The following TMPRSS15 variants were observed in gnomAD, a reference collection of about 807,000 sequenced individuals.
TMPRSS15 encodes the protein transmembrane serine protease 15, also known as enteropeptidase.
In TMPRSS15, 128 loss-of-function variants were observed where a neutral mutation model predicts 125.3. The observed-to-expected ratio is 1.02, with a 90% CI of 0.89 to 1.18. The LOEUF (loss-of-function observed/expected upper bound fraction) is 1.18. TMPRSS15 is among the 50% of genes most tolerant of loss of function. The pLI is 0.00. For synonymous variants in TMPRSS15, 446 were observed against 423.2 expected (o/e 1.05, Z -0.66); for missense variants, 1,283 against 1,212.7 (o/e 1.06, Z -0.86).
At chr21:18,344,736 G>T (rs1291966629) in intron 10 of TMPRSS15, among the ~76,000 whole-genome samples, 2 of 152,174 alleles carry the variant, frequency 1.3e-5, no homozygotes, top group Admixed American at 6.5e-5. Context: ...AGTTTGTGAA[G>T]GGTTGTTGGG....
chr21:18,308,387 A>G (rs1420803121), intron 18 of TMPRSS15, among the ~76,000 whole-genome samples: 2 of 151,976 alleles, frequency 1.3e-5, no homozygotes, highest in East Asian at 3.9e-4. Flanking sequence ...ACACACACAC[A>G]CACACACACA....
At chr21:18,443,491 C>T (rs1195396983) in intron 1 of TMPRSS15, among the ~76,000 whole-genome samples, 1 of 152,180 alleles carries the variant, frequency 6.6e-6, no homozygotes, top group African/African-American at 2.4e-5. Flanking sequence ...CATCCCCGGT[C>T]TCCCCACTGC....
At chr21:18,369,296 A>G (rs565238679) in intron 6 of TMPRSS15, among the ~76,000 whole-genome samples, 1 of 152,300 alleles carries the variant, frequency 6.6e-6, no homozygotes, top group East Asian at 1.9e-4. Flanking sequence ...TAAATCAAAC[A>G]TGATCTATGC....
chr21:18,438,054 TAGCAA>T (rs1435771030), intron 1 of TMPRSS15, among the ~76,000 whole-genome samples: 1 of 151,444 alleles, frequency 6.6e-6, no homozygotes, highest in African/African-American at 2.4e-5. Flanking sequence ...CTATTCACAA[TAGCAA>T]AGACTTGGAA....
chr21:18,405,489 A>G (rs540016784), upstream of TMPRSS15, among the ~76,000 whole-genome samples: 31 of 152,208 alleles, frequency 2.0e-4, no homozygotes, highest in African/African-American at 6.0e-4. Context: ...GACTTGCCCT[A>G]TCAGGTAACA....
chr21:18,288,068 G>A (rs948463631), intron 21 of TMPRSS15, among the ~76,000 whole-genome samples: 10 of 152,096 alleles, frequency 6.6e-5, no homozygotes, highest in Non-Finnish European at 1.3e-4. Flanking sequence ...CAATAGAAAA[G>A]ATACTGAATC....
intron 1 of TMPRSS15, among the ~76,000 whole-genome samples, chr21:18,414,335 TTG>T (rs986145968): frequency 6.6e-6 from 1 of 152,028 alleles, no homozygotes; most frequent in African/African-American, 2.4e-5. Flanking sequence ...CCTTTACTTC[TTG>T]TGTGTGTGTG....
At chr21:18,479,717 T>C (rs1457307996) in intron 1 of TMPRSS15, among the ~76,000 whole-genome samples, 1 of 151,950 alleles carries the variant, frequency 6.6e-6, no homozygotes, top group Non-Finnish European at 1.5e-5. Context: ...AGAATGGCGA[T>C]CATTAAAAAG....
intron 1 of TMPRSS15, among the ~76,000 whole-genome samples, chr21:18,447,667 A>T (rs114961437): frequency 0.011 from 1,693 of 152,142 alleles, 32 homozygotes; most frequent in African/African-American, 0.038. Context: ...ATGAGATCTC[A>T]TAGTTTTATA....
intron 16 of TMPRSS15, among the ~76,000 whole-genome samples, chr21:18,317,438 G>T (rs1020375261): frequency 7.3e-6 from 1 of 136,642 alleles, no homozygotes; most frequent in Non-Finnish European, 1.6e-5. Context: ...TTGAGGGGGG[G>T]TGTTTTTATG....
chr21:18,416,607 T>C (rs1186589957), intron 1 of TMPRSS15, among the ~76,000 whole-genome samples: 1 of 152,076 alleles, frequency 6.6e-6, no homozygotes, highest in East Asian at 1.9e-4. Flanking sequence ...ATGATACTGG[T>C]TAATTTTTGA....
chr21:18,304,975 A>G (rs2075014857), intron 18 of TMPRSS15, among the ~76,000 whole-genome samples: 2 of 152,080 alleles, frequency 1.3e-5, no homozygotes, highest in South Asian at 4.1e-4. Flanking sequence ...GACAAAGAAG[A>G]TTCTCCAAAT....
At chr21:18,302,168 A>C (rs781329135) in intron 18 of TMPRSS15, among the ~76,000 whole-genome samples, 1 of 152,246 alleles carries the variant, frequency 6.6e-6, no homozygotes. Context: ...AAATACTGCA[A>C]CTAGGCACTG....
intron 18 of TMPRSS15, among the ~76,000 whole-genome samples, chr21:18,310,752 C>G (rs558636367): frequency 2.6e-5 from 4 of 151,950 alleles, no homozygotes; most frequent in African/African-American, 9.6e-5. Context: ...CACCAAATAG[C>G]CAAAGCAATC....
chr21:18,288,615 A>T (rs1326106651), intron 21 of TMPRSS15, among the ~76,000 whole-genome samples: 1 of 128,800 alleles, frequency 7.8e-6, no homozygotes, highest in Non-Finnish European at 1.5e-5. Flanking sequence ...ATCTCGGCTC[A>T]CCACAACCTT....
At chr21:18,454,351 G>T (rs1347879662) in intron 1 of TMPRSS15, among the ~76,000 whole-genome samples, 2 of 152,060 alleles carry the variant, frequency 1.3e-5, no homozygotes, top group African/African-American at 4.8e-5. Context: ...ATTTTCTTTT[G>T]CCCCGAAGCC....
At position 18,403,459 on chromosome 21, in the gene TMPRSS15, C is replaced by A; in HGVS notation, c.145+19G>T. ...ATTCAGCTGAGAGCACCTTCACGAG[C>A]CAACTCCATGTGACTTACCTCGTTG... On this transcript the variant is annotated intron_variant, in intron 1 of 24. Transcript: ENST00000284885. 2 of 1,614,058 alleles carry A rather than the reference C, an allele frequency of 1.2e-6. No homozygotes were observed. Among genetic ancestry groups the A allele is most frequent in the South Asian group, 1.1e-5 (1 of 91,076 alleles).
chr21:18,365,033 AGTTAAT>A, intron 7 of TMPRSS15, 101 bp downstream of exon 7: 1 of 931,566 alleles, frequency 1.1e-6, no homozygotes, highest in Non-Finnish European at 1.7e-6. Flanking sequence ...TTTGCTTCAT[AGTTAAT>A]GAAAACAATG....
chr21:18,297,956 AC>A, intron 18 of TMPRSS15, 127 bp from the exon 19 acceptor site: 2 of 660,628 alleles, frequency 3.0e-6, no homozygotes, highest in South Asian at 3.5e-5. Context: ...AAAAAAATGA[AC>A]GTTTTAATAT....
Sources: gnomAD v4.1 joint callset for allele counts (sites outside exome capture counted in the v4.1 genomes callset) on GRCh38, gnomAD v4.1.1 for gene constraint, MANE v1.5 for transcripts, NCBI Gene and HGNC (gene_info 2026-07-23, HGNC 2026-07-21) for gene names.